The following SLC25A46 variants were observed in gnomAD, a reference collection of about 807,000 sequenced individuals.
SLC25A46 encodes mitochondrial outer membrane protein SLC25A46.
A neutral mutation model predicts 44.6 loss-of-function variants in SLC25A46; 39 were observed. That is an observed-to-expected ratio of 0.87 (90% CI 0.68 to 1.14). SLC25A46 has a LOEUF of 1.14. SLC25A46 is among the 50% of genes most tolerant of loss of function. SLC25A46 has a pLI of 0.00. For missense variants in SLC25A46, 547 were observed against 522.7 expected (o/e 1.05, Z -0.45); for synonymous variants, 202 against 185.8 (o/e 1.09, Z -0.71).
At chr5:110,753,782 C>G (rs1800032609) in intron 5 of SLC25A46, 1 of 151,954 alleles carries the variant, frequency 6.6e-6, no homozygotes. Context: ...GGAGGTAACT[C>G]AGAATTGACA....
At chr5:110,738,166 A>T, upstream of SLC25A46, 3 of 1,233,478 alleles carry the variant, frequency 2.4e-6, no homozygotes, top group Non-Finnish European at 3.1e-6. Context: ...GAGTTGAAGG[A>T]ACATAGGATG....
chr5:110,758,707 G>A (rs76758706), intron 7 of SLC25A46, among the ~76,000 whole-genome samples: 8,730 of 151,786 alleles, frequency 0.058, 446 homozygotes, highest in East Asian at 0.2. Flanking sequence ...GCTTGAACCC[G>A]GGAGGCAGAG....
At chr5:110,741,331 T>C (rs1799685814) in intron 1 of SLC25A46, among the ~76,000 whole-genome samples, 1 of 152,178 alleles carries the variant, frequency 6.6e-6, no homozygotes, top group African/African-American at 2.4e-5. Flanking sequence ...TGTAGTAGCA[T>C]TTAGGTATCC....
chr5:110,743,857 A>G, intron 3 of SLC25A46, 70 bp downstream of exon 3: 1 of 1,195,202 alleles, frequency 8.4e-7, no homozygotes, highest in Admixed American at 2.1e-5. Flanking sequence ...AACTCACATA[A>G]ATGACATGAA....
chr5:110,746,115 A>G (rs557549933), intron 3 of SLC25A46, 154 bp from the exon 4 acceptor site: 274 of 613,502 alleles, frequency 4.5e-4, no homozygotes, highest in Non-Finnish European at 7.1e-4. Flanking sequence ...GGTTATTTAA[A>G]GCACTTTTAA....
intron 4 of SLC25A46, among the ~76,000 whole-genome samples, chr5:110,747,702 C>T (rs890317420): frequency 2.0e-5 from 3 of 151,966 alleles, no homozygotes; most frequent in African/African-American, 2.4e-5. Flanking sequence ...TTTGTAGAAC[C>T]TGGGGACTGA....
chr5:110,756,725 C>A lies in SLC25A46; in HGVS notation c.644C>A (p.Pro215His). The change falls in exon 7 of 8, where the codon CCT becomes CAT. Residue 215 changes from proline to histidine, a missense_variant. Physicochemically the swap from Pro to His is moderately conservative, Grantham distance 77 (BLOSUM62 -2). Transcript: ENST00000355943. ...LKSLTYVVAMPFYSASLIETV... is the reference protein window; with the variant it reads ...LKSLTYVVAMHFYSASLIETV... The stretch of plus-strand genomic sequence containing the variant: ...AGCCTAACTTACGTGGTGGCAATGC[C>A]TTTTTATTCAGCAAGTCTGATTGAA... 6.4e-7 allele frequency: 1 copy of A among 1,570,378 alleles called. No individual in the cohort carries two copies. The highest frequency in any genetic ancestry group is 8.6e-7 in the Non-Finnish European group (1 of 1,164,734).
At chr5:110,750,192 C>T (rs550284643) in intron 5 of SLC25A46, among the ~76,000 whole-genome samples, 3 of 129,352 alleles carry the variant, frequency 2.3e-5, no homozygotes, top group South Asian at 2.8e-4. Flanking sequence ...TTTGCTAAAA[C>T]GTTTGAAACA....
At chr5:110,751,785 G>C (rs1182805358) in intron 5 of SLC25A46, among the ~76,000 whole-genome samples, 1 of 152,186 alleles carries the variant, frequency 6.6e-6, no homozygotes, top group Non-Finnish European at 1.5e-5. Context: ...CAAACTGAGG[G>C]AATTTGGTGA....
In SLC25A46 at chr5:110,756,174, A is replaced by C. The variant is rs1324434307; in HGVS notation, c.621-528A>C. 2.0e-5 allele frequency: 3 copies of C among 152,020 alleles called. No individual in the cohort carries two copies. The East Asian group carries it at 5.8e-4, about 29-fold the overall frequency. 9.4% of individuals were successfully genotyped at this position (152,020 alleles called of 1,614,324 possible). ...ATAACTATATTTTGCAGGCTTGCAA[A>C]GTTGTAATATTACTATGTCTAAATA... is the stretch of plus-strand genomic sequence containing the variant. On this transcript the variant is annotated intron_variant, in intron 6 of 7. Transcript: ENST00000355943.
intron 7 of SLC25A46, among the ~76,000 whole-genome samples, chr5:110,759,841 G>A (rs1800205022): frequency 6.6e-6 from 1 of 152,062 alleles, no homozygotes; most frequent in African/African-American, 2.4e-5. Context: ...AGATGGATTA[G>A]AAGGCTAGGC....
At chr5:110,759,027 TA>T (rs773474368) in intron 7 of SLC25A46, among the ~76,000 whole-genome samples, 1 of 152,016 alleles carries the variant, frequency 6.6e-6, no homozygotes, top group African/African-American at 2.4e-5. Context: ...GCTAAACTTT[TA>T]AAAAAAATGT....
intron 5 of SLC25A46, among the ~76,000 whole-genome samples, chr5:110,749,023 G>A (rs137915396): frequency 0.024 from 3,625 of 152,216 alleles, 45 homozygotes; most frequent in African/African-American, 0.032. Context: ...TAATCTAGGC[G>A]AGGCTGAGAA....
chr5:110,741,048 C>T (rs1238471481), intron 1 of SLC25A46, among the ~76,000 whole-genome samples: 1 of 152,118 alleles, frequency 6.6e-6, no homozygotes, highest in Admixed American at 6.5e-5. Flanking sequence ...GGGTAAACTG[C>T]GTAATTTCCC....
intron 5 of SLC25A46, among the ~76,000 whole-genome samples, chr5:110,751,145 G>C (rs182009243): frequency 6.6e-6 from 1 of 152,156 alleles, no homozygotes; most frequent in East Asian, 1.9e-4. Context: ...CATTTCCTGA[G>C]TACTTACTAT....
intron 4 of SLC25A46, among the ~76,000 whole-genome samples, chr5:110,746,644 G>A (rs1303272449): frequency 2.0e-5 from 3 of 152,120 alleles, no homozygotes; most frequent in Non-Finnish European, 4.4e-5. Flanking sequence ...TAAGATAAAG[G>A]CAATATTAGA....
chr5:110,750,315 T>A (rs1030834663), intron 5 of SLC25A46, among the ~76,000 whole-genome samples: 2 of 152,050 alleles, frequency 1.3e-5, no homozygotes, highest in Admixed American at 1.3e-4. Context: ...TGCTTTTATA[T>A]CACTAGATAA....
At chr5:110,739,917 T>C (rs2150405683) in intron 1 of SLC25A46, among the ~76,000 whole-genome samples, 1 of 152,000 alleles carries the variant, frequency 6.6e-6, no homozygotes, top group South Asian at 2.1e-4. Flanking sequence ...GAATCCTGTA[T>C]GGGACACATA....
intron 6 of SLC25A46, chr5:110,756,088 C>T (rs1800103883): frequency 6.6e-6 from 1 of 152,172 alleles, no homozygotes; most frequent in Non-Finnish European, 1.5e-5. Context: ...CCTTGAAAAC[C>T]ACTACTTGCC....
Sources: allele counts gnomAD v4.1 joint callset (sites outside exome capture counted in the v4.1 genomes callset), GRCh38; gene constraint gnomAD v4.1.1; transcripts MANE v1.5; gene names NCBI Gene and HGNC (gene_info 2026-07-23, HGNC 2026-07-21).